Variants in ADAMTS6 observed in about 807,000 individuals in gnomAD.
ADAMTS6 encodes ADAM metallopeptidase with thrombospondin type 1 motif 6.
In ADAMTS6, 23 loss-of-function variants were observed where a neutral mutation model predicts 144.3. The ratio of observed to expected loss-of-function variants is 0.16; its 90% CI spans 0.11 to 0.23. The LOEUF (loss-of-function observed/expected upper bound fraction) is 0.23, where lower values mean the gene tolerates loss of function less well. ADAMTS6 is among the 10% of genes least tolerant of loss of function. ADAMTS6 has a pLI of 1.00. For missense variants in ADAMTS6, 999 were observed against 1,379.6 expected, an observed-to-expected ratio of 0.72 and a Z score of 4.37; for synonymous variants, 444 against 457.5, an observed-to-expected ratio of 0.97 and a Z score of 0.38.
intron 12 of ADAMTS6, among the ~76,000 whole-genome samples, chr5:65,265,260 G>T (rs559110945): frequency 6.6e-6 from 1 of 152,166 alleles, no homozygotes; most frequent in South Asian, 2.1e-4. Flanking sequence ...GAATGATGAA[G>T]AAGAGGCAGC....
At chr5:65,307,411 A>C (rs1744035536) in intron 9 of ADAMTS6, among the ~76,000 whole-genome samples, 1 of 152,180 alleles carries the variant, frequency 6.6e-6, no homozygotes, top group South Asian at 2.1e-4. Flanking sequence ...ATCTCAGTGG[A>C]GGTCGATTTA....
At chr5:65,361,927 G>C (rs1176110814) in intron 7 of ADAMTS6, among the ~76,000 whole-genome samples, 3 of 151,988 alleles carry the variant, frequency 2.0e-5, no homozygotes, top group Non-Finnish European at 4.4e-5. Flanking sequence ...TAGAGAAAAG[G>C]TTTCACCACA....
At chr5:65,352,400 A>G (rs1282014034) in intron 7 of ADAMTS6, among the ~76,000 whole-genome samples, 1 of 152,176 alleles carries the variant, frequency 6.6e-6, no homozygotes, top group Non-Finnish European at 1.5e-5. Flanking sequence ...CAATTTCCAG[A>G]AGTAATGGTT....
At chr5:65,438,995 G>C (rs1266597331) in intron 7 of ADAMTS6, among the ~76,000 whole-genome samples, 2 of 152,086 alleles carry the variant, frequency 1.3e-5, no homozygotes, top group Non-Finnish European at 2.9e-5. Flanking sequence ...TTTACTGGCA[G>C]GGTGGTAAAA....
chr5:65,438,440 A>C (rs1188743112), intron 7 of ADAMTS6, among the ~76,000 whole-genome samples: 1 of 152,190 alleles, frequency 6.6e-6, no homozygotes, highest in Non-Finnish European at 1.5e-5. Context: ...AGGCATGAGA[A>C]TCGCTTGAAC....
Position 65,163,962 on chromosome 5 carries a change from G to C in ADAMTS6, c.3244+6655C>G, listed in dbSNP as rs1034747231. Among the ~76,000 whole-genome samples the C allele has an allele frequency of 3.9e-5, 6 of 152,218 alleles. No individual in the cohort carries two copies. In the East Asian group the frequency reaches 9.6e-4, roughly 24 times the overall value. ...TTAAAAAGTCACGATTGTGGCCGGG[G>C]GGTGGGGCATCTGCTGTTAATAAAG... On this transcript the variant is annotated intron_variant, in intron 24 of 24. Transcript: ENST00000381055.
chr5:65,236,810 A>G (rs1758706733), intron 15 of ADAMTS6, among the ~76,000 whole-genome samples: 1 of 152,124 alleles, frequency 6.6e-6, no homozygotes, highest in Non-Finnish European at 1.5e-5. Flanking sequence ...AATAATAACT[A>G]TAAGAGCAAA....
At chr5:65,283,537 T>C (rs961824540) in intron 11 of ADAMTS6, among the ~76,000 whole-genome samples, 3 of 152,108 alleles carry the variant, frequency 2.0e-5, no homozygotes, top group African/African-American at 7.2e-5. Flanking sequence ...CAAGTGATCA[T>C]GGACTTATGA....
Position 65,214,973 on chromosome 5 carries a change from T to C in ADAMTS6, c.2437-41A>G, listed in dbSNP as rs1188102885. On this transcript the variant is annotated intron_variant, in intron 19 of 24. Coordinates refer to ENST00000381055, the MANE Select transcript of ADAMTS6 (RefSeq NM_197941.4). The surrounding 1 kb of genome is among the most constrained non-coding windows in gnomAD (Gnocchi z 4.6). ...ACTGGTGAAGACAATTAAAATACAA[T>C]GAGCCTTCATTCAGATATTTATTAT... The C allele has an allele frequency of 6.3e-7, 1 of 1,586,936 alleles. No individual in the cohort carries two copies. The highest frequency in any genetic ancestry group is 8.6e-7 in the Non-Finnish European group (1 of 1,167,304).
chr5:65,163,972 T>A (rs368958934), intron 24 of ADAMTS6, among the ~76,000 whole-genome samples: 3 of 152,192 alleles, frequency 2.0e-5, no homozygotes, highest in Admixed American at 2.0e-4. Context: ...GGGTGGGGCA[T>A]CTGCTGTTAA....
chr5:65,164,918 A>G (rs1395132110), intron 24 of ADAMTS6, among the ~76,000 whole-genome samples: 1 of 100,728 alleles, frequency 9.9e-6, no homozygotes, highest in Non-Finnish European at 2.0e-5. Flanking sequence ...AGATAAAACC[A>G]CAAAGATGGG....
At chr5:65,406,574 T>C (rs978690541) in intron 7 of ADAMTS6, among the ~76,000 whole-genome samples, 1 of 152,168 alleles carries the variant, frequency 6.6e-6, no homozygotes, top group Admixed American at 6.6e-5. Context: ...GATTTTTGCA[T>C]TGATGTTCAT....
chr5:65,170,005 G>A (rs1753510170), intron 24 of ADAMTS6, among the ~76,000 whole-genome samples: 2 of 151,890 alleles, frequency 1.3e-5, no homozygotes, highest in African/African-American at 4.8e-5. Context: ...CCTGCACAAT[G>A]TGCACATGTA....
At chr5:65,181,068 G>T (rs1215846009) in intron 22 of ADAMTS6, among the ~76,000 whole-genome samples, 1 of 152,188 alleles carries the variant, frequency 6.6e-6, no homozygotes, top group Non-Finnish European at 1.5e-5. Context: ...AACTTAGAGT[G>T]ACTGGTAAAA....
chr5:65,346,538 G>A lies in ADAMTS6; in HGVS notation c.1074-12453C>T, dbSNP rs560723307. 2.0e-3 allele frequency among the ~76,000 whole-genome samples: 304 copies of A among 151,664 alleles called. 1 individual carries two copies. The highest frequency in any genetic ancestry group is 3.2e-3 in the Non-Finnish European group (218 of 67,676). On this transcript the variant is annotated intron_variant, in intron 7 of 24. Transcript: ENST00000381055. The stretch of plus-strand genomic sequence containing the variant: ...CTAACATCATACTGAATAAAAAATA[G>A]GTGAAAGTTTTTGTCTCTAAGATTA...
At position 65,253,062 on chromosome 5, in the gene ADAMTS6, A is replaced by G. The variant is rs562510465; in HGVS notation, c.1830+7538T>C. Among the ~76,000 whole-genome samples, 13 of 151,386 alleles carry G rather than the reference A, an allele frequency of 8.6e-5. No homozygotes were observed. The East Asian group carries it at 2.5e-3, about 29-fold the overall frequency. ...ACCATCATGCCCAGCTACTTTCTGT[A>G]TTTTTTGTAGAGATGGTCTCTTGCC... On this transcript the variant is annotated intron_variant, in intron 14 of 24. Coordinates refer to ENST00000381055, the MANE Select transcript of ADAMTS6 (RefSeq NM_197941.4).
At chr5:65,253,576 C>T (rs1203093467) in intron 14 of ADAMTS6, among the ~76,000 whole-genome samples, 1 of 151,962 alleles carries the variant, frequency 6.6e-6, no homozygotes, top group Non-Finnish European at 1.5e-5. Context: ...TATACTAAGG[C>T]AGGAAGCTGG....
At chr5:65,205,167 C>A (rs1403862588) in intron 20 of ADAMTS6, among the ~76,000 whole-genome samples, 1 of 150,402 alleles carries the variant, frequency 6.6e-6, no homozygotes, top group East Asian at 1.9e-4. Context: ...CCATTTGGGG[C>A]TCCTCTGCTT....
chr5:65,210,328 G>C (rs556022363), intron 20 of ADAMTS6: 1 of 159,960 alleles, frequency 6.3e-6, no homozygotes, highest in Non-Finnish European at 1.4e-5. Flanking sequence ...GCGCGCGCCT[G>C]TAGTCCCAGC....
Sources: allele counts gnomAD v4.1 joint callset (sites outside exome capture counted in the v4.1 genomes callset), GRCh38; gene constraint gnomAD v4.1.1; non-coding constraint Gnocchi (gnomAD v3.1); transcripts MANE v1.5; gene names NCBI Gene and HGNC (gene_info 2026-07-23, HGNC 2026-07-21).